TTBK1: variants seen among roughly 807,000 people sequenced by gnomAD.
TTBK1 encodes tau-tubulin kinase 1.
TTBK1 carries 34 observed loss-of-function variants against 108.5 expected under a neutral mutation model. That is an observed-to-expected ratio of 0.31 (90% CI 0.24 to 0.42). The LOEUF is 0.42. TTBK1 is among the 10% of genes least tolerant of loss of function. TTBK1 has a pLI of 1.00. For missense variants in TTBK1, 1,539 were observed against 1,826.0 expected (o/e 0.84, Z 2.86); for synonymous variants, 809 against 795.1 (o/e 1.02, Z -0.29).
At position 43,254,544 on chromosome 6, in the gene TTBK1, C is replaced by T. The variant is rs1416525110; in HGVS notation, c.472-3C>T. ...CAGAGCTCACAGCTGCTGTCTCCCC[C>T]AGTCAAACTTTGCCATGGGCAGGCT... is the stretch of plus-strand genomic sequence containing the variant. On this transcript the variant is annotated splice_polypyrimidine_tract_variant and splice_region_variant and intron_variant, in intron 5 of 14. Transcript: ENST00000259750. 7.0e-6 allele frequency: 11 copies of T among 1,569,626 alleles called. No individual in the cohort carries two copies. The highest frequency in any genetic ancestry group is 1.7e-4 in the Middle Eastern group (1 of 5,884).
At chr6:43,250,216 A>C (rs903231219) in intron 2 of TTBK1, among the ~76,000 whole-genome samples, 3 of 151,990 alleles carry the variant, frequency 2.0e-5, no homozygotes, top group Non-Finnish European at 2.9e-5. Context: ...TCTAGCAATG[A>C]TTTCGGAGCC....
chr6:43,264,497 G>A (rs1777626428), intron 13 of TTBK1, among the ~76,000 whole-genome samples: 1 of 152,176 alleles, frequency 6.6e-6, no homozygotes, highest in South Asian at 2.1e-4. Flanking sequence ...TACAGATTTC[G>A]GGGTTTGGGA....
chr6:43,252,984 CG>C, intron 3 of TTBK1, 98 bp downstream of exon 3: 1 of 1,444,168 alleles, frequency 6.9e-7, no homozygotes, highest in South Asian at 1.2e-5. Context: ...GAGGAGATGT[CG>C]TGTGGTAGAG....
chr6:43,277,236 C>G (rs138409222), intron 13 of TTBK1, among the ~76,000 whole-genome samples: 17 of 151,802 alleles, frequency 1.1e-4, no homozygotes, highest in Admixed American at 5.9e-4. Flanking sequence ...GGGGGTGGCC[C>G]GCCAAGGAGG....
chr6:43,265,002 G>T lies in TTBK1; in HGVS notation c.1986+1652G>T, dbSNP rs1248353356. ...TTTAGGTTATTCTGACAAGGACAGG[G>T]TGTCAGAATAGGCAGAGAGCCACTG... is the stretch of plus-strand genomic sequence containing the variant. On this transcript the variant is annotated intron_variant, in intron 13 of 14. Transcript: ENST00000259750. The surrounding 1 kb of genome is among the most constrained non-coding windows in gnomAD (Gnocchi z 4.1). Among the ~76,000 whole-genome samples the T allele has an allele frequency of 6.6e-6, 1 of 152,204 alleles. No homozygotes were observed. Among genetic ancestry groups the T allele is most frequent in the African/African-American group, 2.4e-5 (1 of 41,444 alleles).
intron 2 of TTBK1, 77 bp downstream of exon 2, chr6:43,246,845 T>G: frequency 9.8e-6 from 11 of 1,119,204 alleles, no homozygotes; most frequent in Non-Finnish European, 1.4e-5. Context: ...TTAAAACCGG[T>G]GCCCTCCGCT....
At chr6:43,258,296 G>A (rs1777431721) in intron 10 of TTBK1, among the ~76,000 whole-genome samples, 1 of 152,196 alleles carries the variant, frequency 6.6e-6, no homozygotes, top group Admixed American at 6.5e-5. Flanking sequence ...CCATACACCT[G>A]AAAGTTACAG....
rs978913936 is a variant in TTBK1, at chr6:43,257,052, G to A, written c.862-760G>A. Among the ~76,000 whole-genome samples the A allele has an allele frequency of 2.0e-5, 3 of 152,200 alleles. No individual in the cohort carries two copies. Among genetic ancestry groups the A allele is most frequent in the African/African-American group, 7.2e-5 (3 of 41,440 alleles). On this transcript the variant is annotated intron_variant, in intron 9 of 14. Transcript: ENST00000259750. The surrounding 1 kb of genome is among the most constrained non-coding windows in gnomAD (Gnocchi z 4.5). ...CGATGCTGCATACTGTAGGAGTAGA[G>A]ACAGCCTGAGGCACACAGGATGCAC...
In TTBK1 at chr6:43,270,613, C is replaced by T. The variant is rs1205062184; in HGVS notation, c.1986+7263C>T. The T allele has an allele frequency of 4.1e-6, 4 of 985,300 alleles. No homozygotes were observed. The East Asian group carries it at 4.5e-4, about 112-fold the overall frequency. 61.0% of individuals were successfully genotyped at this position (985,300 alleles called of 1,614,324 possible). On this transcript the variant is annotated intron_variant, in intron 13 of 14. Coordinates refer to ENST00000259750, the MANE Select transcript of TTBK1 (RefSeq NM_032538.3). The stretch of plus-strand genomic sequence containing the variant: ...AGTTCTCTCCTCACACATCTTACCC[C>T]AGGAAGGCTCAGTCCATGGTAGGCT...
chr6:43,283,166 T>C lies in TTBK1; in HGVS notation c.2426T>C (p.Leu809Pro), dbSNP rs1487750402. The change falls in exon 14 of 15, where the codon CTG (leucine) becomes CCG (proline). Residue 809 changes from leucine (L) to proline (P), a missense_variant. Leu to Pro is a moderately conservative substitution (Grantham distance 98). Coordinates refer to ENST00000259750, the MANE Select transcript of TTBK1 (RefSeq NM_032538.3). This position sits in a 1 kb window ranked among gnomAD's most constrained non-coding sequence, Gnocchi z 8.1. ...CAGGAGGGTGCCCCGTCCACGCTGC[T>C]GGCAGACGATCAGAAGGAGTCCAGG... ...RSQEGAPSTL[L>P]ADDQKESRGR... 1 of 1,558,992 alleles carries C rather than the reference T, an allele frequency of 6.4e-7. No individual in the cohort carries two copies. The highest frequency in any genetic ancestry group is 8.7e-7 in the Non-Finnish European group (1 of 1,152,162).
At position 43,254,570 on chromosome 6, in the gene TTBK1, G is replaced by A. The variant is rs773958770; in HGVS notation, c.495G>A (p.Leu165=). Residue 165 remains leucine, a synonymous_variant, in exon 6 of 15, where the codon CTG becomes CTA. Coordinates refer to ENST00000259750, the MANE Select transcript of TTBK1 (RefSeq NM_032538.3). ...IKPSNFAMGR[L]PSTYRKCYML... ...AGTCAAACTTTGCCATGGGCAGGCT[G>A]CCCTCCACCTACAGGAAGTGCTATA... 6.3e-7 allele frequency: 1 copy of A among 1,577,892 alleles called. No homozygotes were observed. Among genetic ancestry groups the A allele is most frequent in the African/African-American group, 1.4e-5 (1 of 73,048 alleles).
chr6:43,250,187 C>T (rs559557965), intron 2 of TTBK1, among the ~76,000 whole-genome samples: 3 of 152,166 alleles, frequency 2.0e-5, no homozygotes, highest in Admixed American at 1.3e-4. Context: ...TTGGCTGTCC[C>T]GAGCCTTCCT....
chr6:43,275,467 C>A (rs544725629), intron 13 of TTBK1, among the ~76,000 whole-genome samples: 90 of 151,896 alleles, frequency 5.9e-4, no homozygotes, highest in African/African-American at 2.1e-3. Flanking sequence ...GAGTGGGGCT[C>A]CCCTCAGTGC....
Position 43,259,254 on chromosome 6 carries a change from G to C in TTBK1, c.1233G>C (p.Arg411=), listed in dbSNP as rs1777462156. The change falls in exon 11 of 15, where the codon CGG becomes CGC. Residue 411 remains arginine, a synonymous_variant. Transcript: ENST00000259750. The surrounding 1 kb of genome is among the most constrained non-coding windows in gnomAD (Gnocchi z 6.7). The part of the protein sequence containing the change: ...EETDVNRNKL[R]INIGKSPCVE... ...CAGATGTCAACCGGAACAAACTCCG[G>C]ATCAACATCGGCAAAGTAACTGCCG... The C allele has an allele frequency of 6.4e-7, 1 of 1,554,208 alleles. No homozygotes were observed. The highest frequency in any genetic ancestry group is 8.7e-7 in the Non-Finnish European group (1 of 1,151,552).
rs530801836 is a variant in TTBK1, at chr6:43,257,215, G to A, written c.862-597G>A. 2.6e-5 allele frequency among the ~76,000 whole-genome samples: 4 copies of A among 152,214 alleles called. No individual in the cohort carries two copies. Among genetic ancestry groups the A allele is most frequent in the Non-Finnish European group, 4.4e-5 (3 of 68,036 alleles). The stretch of plus-strand genomic sequence containing the variant: ...CCTGAACCCAGGGCCTGGCAGAGAC[G>A]CCCCCTGATCTTGGCTTAGCCTCAT... On this transcript the variant is annotated intron_variant, in intron 9 of 14. Coordinates refer to ENST00000259750, the MANE Select transcript of TTBK1 (RefSeq NM_032538.3). The surrounding 1 kb of genome is among the most constrained non-coding windows in gnomAD (Gnocchi z 4.5).
At position 43,276,514 on chromosome 6, in the gene TTBK1, C is replaced by G. The variant is rs1363749990; in HGVS notation, c.1987-6213C>G. Among the ~76,000 whole-genome samples, 1 of 152,108 alleles carries G rather than the reference C, an allele frequency of 6.6e-6. No individual in the cohort carries two copies. Among genetic ancestry groups the G allele is most frequent in the South Asian group, 2.1e-4 (1 of 4,834 alleles). On this transcript the variant is annotated intron_variant, in intron 13 of 14. Transcript: ENST00000259750. This position sits in a 1 kb window ranked among gnomAD's most constrained non-coding sequence, Gnocchi z 5.4. ...GGACACGGACACGCACCCACGCGCA[C>G]ACGGCCGCGCACGGGCGGGGAGGGG...
In TTBK1 at chr6:43,259,141, C is replaced by T; in HGVS notation, c.1120C>T (p.Leu374=). Residue 374 remains leucine (L), a synonymous_variant, in exon 11 of 15, where the codon CTG becomes TTG. Transcript: ENST00000259750. This position sits in a 1 kb window ranked among gnomAD's most constrained non-coding sequence, Gnocchi z 6.7. ...LSDQENAPPI[L]PGRPSEGLGP... is the part of the protein sequence containing the mutation. The stretch of plus-strand genomic sequence containing the variant: ...TGACCAGGAGAATGCACCCCCAATT[C>T]TGCCCGGGAGGCCCTCTGAGGGGCT... 1.2e-6 allele frequency: 2 copies of T among 1,614,098 alleles called. No homozygotes were observed. Among genetic ancestry groups the T allele is most frequent in the Non-Finnish European group, 1.7e-6 (2 of 1,179,968 alleles).
In TTBK1 at chr6:43,263,742, T is replaced by C. The variant is rs1777608321; in HGVS notation, c.1986+392T>C. Among the ~76,000 whole-genome samples, 1 of 152,216 alleles carries C rather than the reference T, an allele frequency of 6.6e-6. No individual in the cohort carries two copies. The highest frequency in any genetic ancestry group is 6.5e-5 in the Admixed American group (1 of 15,288). On this transcript the variant is annotated intron_variant, in intron 13 of 14. Transcript: ENST00000259750. The surrounding 1 kb of genome is among the most constrained non-coding windows in gnomAD (Gnocchi z 4.7). ...CCTGCCACGGAGGGACTTGGGGCTATACTAAGGGGCCAGGACTTGATGCTG... is the reference window on the plus strand; with the variant it reads ...CCTGCCACGGAGGGACTTGGGGCTACACTAAGGGGCCAGGACTTGATGCTG...
chr6:43,259,528 C>T lies in TTBK1; in HGVS notation c.1249-3C>T, dbSNP rs905857061. ...CAGCTCATGGCACTCCCCTCTCCTG[C>T]AGAGCCCCTGTGTGGAGGAGGAACA... On this transcript the variant is annotated splice_polypyrimidine_tract_variant and splice_region_variant and intron_variant, in intron 11 of 14. Coordinates refer to ENST00000259750, the MANE Select transcript of TTBK1 (RefSeq NM_032538.3). The surrounding 1 kb of genome is among the most constrained non-coding windows in gnomAD (Gnocchi z 6.7). The T allele has an allele frequency of 1.9e-6, 3 of 1,568,356 alleles. No homozygotes were observed. The highest frequency in any genetic ancestry group is 2.6e-6 in the Non-Finnish European group (3 of 1,159,324).
Sources: gnomAD v4.1 joint callset for allele counts (sites outside exome capture counted in the v4.1 genomes callset) on GRCh38, gnomAD v4.1.1 for gene constraint, Gnocchi (gnomAD v3.1) non-coding constraint, MANE v1.5 for transcripts, NCBI Gene and HGNC (gene_info 2026-07-23, HGNC 2026-07-21) for gene names.